Variants in EYS observed in about 807,000 individuals in gnomAD.
The protein encoded by EYS is EGF-like photoreceptor maintenance factor.
A neutral mutation model predicts 282.1 loss-of-function variants in EYS; 250 were observed. The ratio of observed to expected loss-of-function variants is 0.89; its 90% CI spans 0.80 to 0.98. EYS has a LOEUF of 0.98. Ranked by LOEUF, EYS falls within the 50% of genes least tolerant of loss-of-function variation. EYS has a pLI of 0.00. For missense variants in EYS, 4,016 were observed against 3,709.0 expected (o/e 1.08, Z -2.15); for synonymous variants, 1,355 against 1,282.9 (o/e 1.06, Z -1.20).
At chr6:64,165,605 T>C (rs562787840) in intron 31 of EYS, among the ~76,000 whole-genome samples, 2 of 152,312 alleles carry the variant, frequency 1.3e-5, no homozygotes, top group African/African-American at 4.8e-5. Flanking sequence ...TTCATACTTT[T>C]CATGATTAGT....
chr6:64,062,442 A>T (rs531749949), intron 33 of EYS, among the ~76,000 whole-genome samples: 27 of 152,250 alleles, frequency 1.8e-4, no homozygotes, highest in Admixed American at 3.3e-4. Flanking sequence ...CTGTAATCCC[A>T]ACACTTTGGG....
intron 30 of EYS, among the ~76,000 whole-genome samples, chr6:64,235,075 T>A (rs1366598715): frequency 1.5e-5 from 2 of 134,810 alleles, no homozygotes; most frequent in Non-Finnish European, 3.2e-5. Flanking sequence ...ATTTTTTATT[T>A]TTTTATTTTT....
At chr6:64,971,353 G>C (rs551586469) in intron 14 of EYS, among the ~76,000 whole-genome samples, 1 of 151,636 alleles carries the variant, frequency 6.6e-6, no homozygotes, top group Non-Finnish European at 1.5e-5. Context: ...AGTGAGCATC[G>C]GGACTTAAGG....
In EYS at chr6:64,147,561, C is replaced by G. The variant is rs565141012; in HGVS notation, c.6425-65559G>C. Among the ~76,000 whole-genome samples the G allele has an allele frequency of 2.0e-5, 3 of 152,282 alleles. No individual in the cohort carries two copies. The East Asian group carries it at 5.8e-4, about 29-fold the overall frequency. Reference sequence around the variant, plus strand: ...TACATAGATGAGGGAAGTCCATTGCCTAATGACCTGCCAGGAGGCTAATGG... The same window carrying G: ...TACATAGATGAGGGAAGTCCATTGCGTAATGACCTGCCAGGAGGCTAATGG... On this transcript the variant is annotated intron_variant, in intron 31 of 42. Transcript: ENST00000503581.
At chr6:63,984,271 G>C in intron 35 of EYS, 112 bp downstream of exon 35, 3 of 731,744 alleles carry the variant, frequency 4.1e-6, no homozygotes. Flanking sequence ...AAAAACTTGA[G>C]AATTCTGGAC....
Position 64,617,352 on chromosome 6 carries a change from C to A in EYS, c.3684+66G>T, listed in dbSNP as rs149945095. 2.0e-4 allele frequency: 200 copies of A among 1,013,450 alleles called. 1 individual carries two copies. In the African/African-American group the frequency reaches 2.8e-3, roughly 14 times the overall value. The allele number at this position is 1,013,450 out of a possible 1,614,324, so 62.8% of individuals were successfully genotyped here. A position where few individuals can be genotyped will look rare whatever the true frequency, so the allele number is the denominator to read the frequency against. The stretch of plus-strand genomic sequence containing the variant: ...ACCTTATTTTTCACCATATAATTTT[C>A]TACTATTTACTGTGTATCAAAGAGA... On this transcript the variant is annotated intron_variant, in intron 24 of 42. Coordinates refer to ENST00000503581, the MANE Select transcript of EYS (RefSeq NM_001142800.2).
intron 31 of EYS, among the ~76,000 whole-genome samples, chr6:64,193,125 A>G: frequency 6.6e-6 from 1 of 152,322 alleles, no homozygotes; most frequent in Non-Finnish European, 1.5e-5. Context: ...TCTTCCATAT[A>G]AATTTTAGAA....
chr6:65,513,521 C>T (rs1307498798), intron 2 of EYS, among the ~76,000 whole-genome samples: 3 of 151,988 alleles, frequency 2.0e-5, no homozygotes, highest in Non-Finnish European at 4.4e-5. Flanking sequence ...CCTTGATGAA[C>T]ATTGATGCAA....
chr6:64,589,504 C>G (rs1194994096), intron 26 of EYS, among the ~76,000 whole-genome samples: 1 of 151,988 alleles, frequency 6.6e-6, no homozygotes, highest in East Asian at 1.9e-4. Flanking sequence ...AATTCTTTAA[C>G]CTTTTTCCTT....
At chr6:65,393,875 G>A (rs1502959) in intron 7 of EYS, among the ~76,000 whole-genome samples, 31,104 of 151,950 alleles carry the variant, frequency 0.2, 3,310 homozygotes, top group South Asian at 0.35. Context: ...GAATATAAAA[G>A]AGAATATCAT....
At chr6:63,811,669 T>C (rs1349393003) in intron 36 of EYS, among the ~76,000 whole-genome samples, 1 of 152,192 alleles carries the variant, frequency 6.6e-6, no homozygotes, top group Non-Finnish European at 1.5e-5. Flanking sequence ...AATGAACATA[T>C]ATTTGTATGT....
chr6:64,212,683 A>C (rs1417398781), intron 31 of EYS, among the ~76,000 whole-genome samples: 2 of 152,092 alleles, frequency 1.3e-5, no homozygotes, highest in East Asian at 3.9e-4. Context: ...TAGTTCAAGC[A>C]TTGTGGAAGA....
At chr6:64,662,530 C>A (rs969622244) in intron 22 of EYS, among the ~76,000 whole-genome samples, 1 of 152,126 alleles carries the variant, frequency 6.6e-6, no homozygotes, top group Non-Finnish European at 1.5e-5. Flanking sequence ...AGATATGCAT[C>A]TCATCCAGCA....
intron 31 of EYS, among the ~76,000 whole-genome samples, chr6:64,183,576 TAA>T (rs1433787385): frequency 6.6e-6 from 1 of 152,172 alleles, no homozygotes; most frequent in Admixed American, 6.5e-5. Flanking sequence ...AAGTTTGTAA[TAA>T]AAATCTAGAA....
chr6:63,816,347 A>T (rs1485133298), intron 36 of EYS, among the ~76,000 whole-genome samples: 6 of 152,226 alleles, frequency 3.9e-5, no homozygotes, highest in Admixed American at 3.9e-4. Flanking sequence ...ATCAGAAAAC[A>T]TAATGAAATA....
chr6:64,430,687 G>A (rs1774548422), intron 28 of EYS, among the ~76,000 whole-genome samples: 1 of 151,876 alleles, frequency 6.6e-6, no homozygotes, highest in Admixed American at 6.6e-5. Flanking sequence ...ACTCTTCCTC[G>A]TGGGTGCAAA....
intron 31 of EYS, among the ~76,000 whole-genome samples, chr6:64,169,685 C>G (rs1293270633): frequency 1.3e-5 from 2 of 151,972 alleles, no homozygotes; most frequent in Non-Finnish European, 2.9e-5. Context: ...TCATTCTCCT[C>G]CCTCTTTCTC....
At chr6:65,503,036 C>G (rs1378401903) in intron 2 of EYS, among the ~76,000 whole-genome samples, 1 of 151,552 alleles carries the variant, frequency 6.6e-6, no homozygotes, top group Non-Finnish European at 1.5e-5. Flanking sequence ...TTGGAAGAAA[C>G]CATTAAACTG....
intron 33 of EYS, among the ~76,000 whole-genome samples, chr6:64,040,535 GGTTTT>G (rs1240655111): frequency 1.3e-5 from 2 of 151,660 alleles, no homozygotes; most frequent in African/African-American, 4.8e-5. Context: ...ATGTTAATTT[GGTTTT>G]ATTTTCTGAC....
Sources: gnomAD v4.1 joint callset for allele counts (sites outside exome capture counted in the v4.1 genomes callset) on GRCh38, gnomAD v4.1.1 for gene constraint, MANE v1.5 for transcripts, NCBI Gene and HGNC (gene_info 2026-07-23, HGNC 2026-07-21) for gene names.